The following LINGO2 variants were observed in gnomAD, a reference collection of about 807,000 sequenced individuals.
LINGO2 encodes leucine rich repeat and Ig domain containing 2, also known as leucine-rich repeat and immunoglobulin-like domain-containing nogo receptor-interacting protein 2.
In LINGO2, 14 loss-of-function variants were observed where a neutral mutation model predicts 30.6. The ratio of observed to expected loss-of-function variants is 0.46; its 90% CI spans 0.30 to 0.72. The LOEUF (loss-of-function observed/expected upper bound fraction) is 0.72, where lower values mean the gene tolerates loss of function less well. Among genes scored for constraint, LINGO2 ranks in the 30% least tolerant of loss-of-function variants. The pLI is 0.07. For synonymous variants in LINGO2, 317 were observed against 288.5 expected, an observed-to-expected ratio of 1.10 and a Z score of -1.00; for missense variants, 729 against 751.7, an observed-to-expected ratio of 0.97 and a Z score of 0.35.
intron 3 of LINGO2, among the ~76,000 whole-genome samples, chr9:28,299,659 G>A (rs893413848): frequency 2.0e-5 from 3 of 152,050 alleles, no homozygotes; most frequent in Non-Finnish European, 2.9e-5. Context: ...GAAAGTTTAA[G>A]TTACTCACCC....
intron 5 of LINGO2, among the ~76,000 whole-genome samples, chr9:27,995,325 C>T (rs1821605101): frequency 2.0e-5 from 3 of 152,114 alleles, no homozygotes; most frequent in Non-Finnish European, 4.4e-5. Flanking sequence ...AGACCTAATA[C>T]TAATTCTACT....
At chr9:28,477,592 C>A (rs2135200444) in intron 1 of LINGO2, among the ~76,000 whole-genome samples, 1 of 152,244 alleles carries the variant, frequency 6.6e-6, no homozygotes, top group Admixed American at 6.5e-5. Context: ...CTCCTTGATA[C>A]CTTTCTTTTC....
chr9:28,046,388 G>A (rs1346060095), intron 4 of LINGO2, among the ~76,000 whole-genome samples: 1 of 152,100 alleles, frequency 6.6e-6, no homozygotes, highest in East Asian at 1.9e-4. Flanking sequence ...CTCACTTTCC[G>A]ATTCAGTAGT....
chr9:28,735,633 T>C, the LINGO2 span, among the ~76,000 whole-genome samples: 1 of 152,160 alleles, frequency 6.6e-6, no homozygotes, highest in Admixed American at 6.5e-5. Context: ...TAAACATTTT[T>C]ATATGTAAAT....
the LINGO2 span, among the ~76,000 whole-genome samples, chr9:28,925,307 C>A: frequency 6.6e-6 from 1 of 152,152 alleles, no homozygotes; most frequent in African/African-American, 2.4e-5. Context: ...GGATCTTGAA[C>A]CAGAGCCAGT....
intron 5 of LINGO2, among the ~76,000 whole-genome samples, chr9:27,999,864 A>C (rs1034917734): frequency 6.6e-6 from 1 of 152,166 alleles, no homozygotes; most frequent in African/African-American, 2.4e-5. Flanking sequence ...CATTAAAAGT[A>C]ATGGCAAAAA....
the LINGO2 span, among the ~76,000 whole-genome samples, chr9:28,832,978 T>TA: frequency 3.0e-3 from 456 of 151,324 alleles, 1 homozygote; most frequent in African/African-American, 0.011. Flanking sequence ...TTTTTTGATG[T>TA]AAAAAAAAAA....
chr9:28,545,602 T>C (rs1250016292), intron 1 of LINGO2, among the ~76,000 whole-genome samples: 2 of 152,000 alleles, frequency 1.3e-5, no homozygotes, highest in African/African-American at 4.8e-5. Context: ...TATTTAGTTA[T>C]TCCATATATA....
chr9:28,983,126 G>C, the LINGO2 span, among the ~76,000 whole-genome samples: 1 of 151,876 alleles, frequency 6.6e-6, no homozygotes, highest in Non-Finnish European at 1.5e-5. Flanking sequence ...CGCTATCTGT[G>C]TGCCATGTCT....
At chr9:28,423,103 G>C (rs1356168320) in intron 2 of LINGO2, among the ~76,000 whole-genome samples, 2 of 151,928 alleles carry the variant, frequency 1.3e-5, no homozygotes, top group African/African-American at 2.4e-5. Context: ...GGTTGATCGT[G>C]GTAATGGTTA....
At chr9:28,598,417 TC>T (rs1452022605) in intron 1 of LINGO2, among the ~76,000 whole-genome samples, 15 of 54,260 alleles carry the variant, frequency 2.8e-4, no homozygotes, top group Admixed American at 6.7e-4. Flanking sequence ...GTTCTCCATA[TC>T]AAAAAAAAAA....
the LINGO2 span, among the ~76,000 whole-genome samples, chr9:28,925,930 C>T: frequency 1.3e-5 from 2 of 152,150 alleles, no homozygotes; most frequent in African/African-American, 4.8e-5. Flanking sequence ...AGTAGTCTCA[C>T]CCCTGAGTGG....
At chr9:29,084,124 T>C in the LINGO2 span, among the ~76,000 whole-genome samples, 1 of 152,106 alleles carries the variant, frequency 6.6e-6, no homozygotes, top group African/African-American at 2.4e-5. Context: ...ATATTTCTGG[T>C]ATAAAAATTT....
chr9:28,740,295 C>G, the LINGO2 span, among the ~76,000 whole-genome samples: 1 of 151,416 alleles, frequency 6.6e-6, no homozygotes, highest in Non-Finnish European at 1.5e-5. Context: ...ATGTTTCTGT[C>G]TACTTATTGA....
intron 2 of LINGO2, among the ~76,000 whole-genome samples, chr9:28,450,211 T>G (rs1188849230): frequency 6.6e-6 from 1 of 151,990 alleles, no homozygotes; most frequent in Non-Finnish European, 1.5e-5. Flanking sequence ...TGTAACAGAT[T>G]TAAGGACATT....
chr9:28,545,014 T>C (rs1821869306), intron 1 of LINGO2, among the ~76,000 whole-genome samples: 2 of 151,858 alleles, frequency 1.3e-5, no homozygotes, highest in South Asian at 4.1e-4. Context: ...TTATAGTCAT[T>C]GTCAAAGCAA....
At chr9:28,067,591 A>G (rs1825352914) in intron 4 of LINGO2, among the ~76,000 whole-genome samples, 2 of 152,106 alleles carry the variant, frequency 1.3e-5, no homozygotes, top group Admixed American at 1.3e-4. Flanking sequence ...CCTGTAAAAC[A>G]TGGCACACAG....
At chr9:28,749,322 T>C in the LINGO2 span, among the ~76,000 whole-genome samples, 15 of 152,172 alleles carry the variant, frequency 9.9e-5, no homozygotes, top group South Asian at 2.5e-3. Context: ...ATCTCTAGCA[T>C]CCTATTCCCC....
chr9:28,883,646 A>ATATATTATG, the LINGO2 span, among the ~76,000 whole-genome samples: 2 of 116,998 alleles, frequency 1.7e-5, no homozygotes, highest in African/African-American at 5.8e-5. Flanking sequence ...ATATATATAT[A>ATATATTATG]TATATATATA....
Sources: gnomAD v4.1 joint callset for allele counts (sites outside exome capture counted in the v4.1 genomes callset) on GRCh38, gnomAD v4.1.1 for gene constraint, MANE v1.5 for transcripts, NCBI Gene and HGNC (gene_info 2026-07-23, HGNC 2026-07-21) for gene names.